Variants in SLC1A1 observed in about 807,000 individuals in gnomAD.
SLC1A1 encodes the protein excitatory amino acid transporter 3.
In SLC1A1, 43 loss-of-function variants were observed where a neutral mutation model predicts 53.3. The ratio of observed to expected loss-of-function variants is 0.81; its 90% CI spans 0.63 to 1.04. The LOEUF (loss-of-function observed/expected upper bound fraction) is 1.04. Among genes scored for constraint, SLC1A1 ranks in the 50% least tolerant of loss-of-function variants. SLC1A1 has a pLI of 0.00. For missense variants in SLC1A1, 748 were observed against 664.9 expected, an observed-to-expected ratio of 1.12 and a Z score of -1.37; for synonymous variants, 307 against 243.2, an observed-to-expected ratio of 1.26 and a Z score of -2.44.
chr9:4,514,185 TCAACACATGTAC>T (rs1821086932), intron 1 of SLC1A1, among the ~76,000 whole-genome samples: 1 of 152,206 alleles, frequency 6.6e-6, no homozygotes, highest in African/African-American at 2.4e-5. Context: ...TATTGTATGA[TCAACACATGTAC>T]ACACACATAC....
chr9:4,520,909 C>T (rs904314252), intron 1 of SLC1A1, among the ~76,000 whole-genome samples: 1 of 152,232 alleles, frequency 6.6e-6, no homozygotes, highest in African/African-American at 2.4e-5. Context: ...AGTTTCTCCA[C>T]ATCCTCACCA....
chr9:4,507,936 G>A (rs1026601507), intron 1 of SLC1A1, among the ~76,000 whole-genome samples: 1 of 152,126 alleles, frequency 6.6e-6, no homozygotes, highest in Non-Finnish European at 1.5e-5. Flanking sequence ...TGTGAAACTG[G>A]CTATTGTAAA....
intron 2 of SLC1A1, among the ~76,000 whole-genome samples, chr9:4,552,230 GC>G (rs2130892575): frequency 6.6e-6 from 1 of 152,284 alleles, no homozygotes; most frequent in African/African-American, 2.4e-5. Context: ...GCCAGGCTCT[GC>G]TAGACACACA....
At chr9:4,499,000 TTATA>T (rs1449579425) in intron 1 of SLC1A1, among the ~76,000 whole-genome samples, 1 of 143,914 alleles carries the variant, frequency 6.9e-6, no homozygotes, top group Non-Finnish European at 1.5e-5. Context: ...ATATATAAGA[TTATA>T]TATTATATAT....
chr9:4,528,474 A>G (rs200470416), intron 1 of SLC1A1, among the ~76,000 whole-genome samples: 2 of 152,114 alleles, frequency 1.3e-5, no homozygotes, highest in African/African-American at 2.4e-5. Context: ...TACTCGGGAG[A>G]CTGAGGCAGG....
chr9:4,572,853 C>A (rs1439831372), intron 7 of SLC1A1, among the ~76,000 whole-genome samples: 1 of 152,096 alleles, frequency 6.6e-6, no homozygotes, highest in Admixed American at 6.5e-5. Context: ...CCAGCCACCA[C>A]TAGAGTATTA....
intron 1 of SLC1A1, among the ~76,000 whole-genome samples, chr9:4,498,199 A>G (rs1034526286): frequency 6.6e-6 from 1 of 152,216 alleles, no homozygotes; most frequent in African/African-American, 2.4e-5. Context: ...AAAGGGCATT[A>G]CAAGATGATA....
chr9:4,517,211 C>G (rs1815879844), intron 1 of SLC1A1, among the ~76,000 whole-genome samples: 1 of 152,214 alleles, frequency 6.6e-6, no homozygotes, highest in African/African-American at 2.4e-5. Flanking sequence ...CCTCAATAGT[C>G]CCCGCCTAGT....
chr9:4,575,896 T>G, intron 8 of SLC1A1, 105 bp from the exon 9 acceptor site: 1 of 1,354,810 alleles, frequency 7.4e-7, no homozygotes, highest in Middle Eastern at 1.9e-4. Flanking sequence ...TGGGCCATTA[T>G]GAAAGTCAAA....
At chr9:4,538,470 G>A (rs1431274974) in intron 1 of SLC1A1, among the ~76,000 whole-genome samples, 2 of 152,132 alleles carry the variant, frequency 1.3e-5, no homozygotes, top group African/African-American at 4.8e-5. Context: ...TTGCCAGCTT[G>A]ACTTTTCCCT....
At chr9:4,557,061 GGGACTACCTGCTGA>G (rs1326669842) in intron 2 of SLC1A1, among the ~76,000 whole-genome samples, 2 of 152,266 alleles carry the variant, frequency 1.3e-5, no homozygotes, top group African/African-American at 4.8e-5. Context: ...GGTTTCTAAG[GGGACTACCTGCTGA>G]GGTCCAAGTT....
In SLC1A1 at chr9:4,587,263, A is replaced by G. The variant is rs545313351; in HGVS notation, c.*1705A>G. ...GGAAATAAATCTAAATATAAATGAA[A>G]TTGAATCAGTAATTTATCTTGGGCT... On this transcript the variant is annotated 3_prime_UTR_variant, in exon 12 of 12. Coordinates refer to ENST00000262352, the MANE Select transcript of SLC1A1 (RefSeq NM_004170.6). 1 of 152,372 alleles carries G rather than the reference A, an allele frequency of 6.6e-6. No individual in the cohort carries two copies. Among genetic ancestry groups the G allele is most frequent in the East Asian group, 1.9e-4 (1 of 5,182 alleles). The allele number at this position is 152,372 out of a possible 1,614,324, so 9.4% of individuals were successfully genotyped here. A position where few individuals can be genotyped will look rare whatever the true frequency, so the allele number is the denominator to read the frequency against.
intron 1 of SLC1A1, among the ~76,000 whole-genome samples, chr9:4,520,385 T>A (rs1028690369): frequency 5.3e-5 from 8 of 152,184 alleles, no homozygotes; most frequent in Non-Finnish European, 7.3e-5. Flanking sequence ...ATTAAATGAA[T>A]CCCATTTAAT....
chr9:4,536,595 G>A (rs1816682865), intron 1 of SLC1A1, among the ~76,000 whole-genome samples: 1 of 152,172 alleles, frequency 6.6e-6, no homozygotes, highest in Non-Finnish European at 1.5e-5. Flanking sequence ...ACTGTTGGTG[G>A]GACTGTAAAC....
At position 4,561,747 on chromosome 9, in the gene SLC1A1, C is replaced by T. The variant is rs531240411; in HGVS notation, c.325+206C>T. Among the ~76,000 whole-genome samples the T allele has an allele frequency of 2.0e-4, 31 of 152,152 alleles. No individual in the cohort carries two copies. The South Asian group carries it at 6.4e-3, about 32-fold the overall frequency. ...CTACCAAAAATACAAAAATATTAGC[C>T]GGGTATGGTAACATGCGCCTGTAGT... On this transcript the variant is annotated intron_variant, in intron 3 of 11. Transcript: ENST00000262352.
chr9:4,527,173 C>T lies in SLC1A1; in HGVS notation c.92-17394C>T, dbSNP rs527319796. Among the ~76,000 whole-genome samples, 24 of 152,238 alleles carry T rather than the reference C, an allele frequency of 1.6e-4. No individual in the cohort carries two copies. In the South Asian group the frequency reaches 4.0e-3, roughly 25 times the overall value. On this transcript the variant is annotated intron_variant, in intron 1 of 11. Transcript: ENST00000262352. ...TGACAGCCAGTAAGAAATCCTACAACTACCAGGAAGTGAATCCTGAGAACA... is the reference window on the plus strand; with the variant it reads ...TGACAGCCAGTAAGAAATCCTACAATTACCAGGAAGTGAATCCTGAGAACA...
At chr9:4,581,586 C>T (rs1821102959) in intron 10 of SLC1A1, among the ~76,000 whole-genome samples, 1 of 152,166 alleles carries the variant, frequency 6.6e-6, no homozygotes, top group East Asian at 1.9e-4. Flanking sequence ...GGCATGGACA[C>T]AAATCACTTC....
chr9:4,566,681 C>G (rs1819515040), intron 5 of SLC1A1, among the ~76,000 whole-genome samples: 1 of 151,830 alleles, frequency 6.6e-6, no homozygotes, highest in Non-Finnish European at 1.5e-5. Flanking sequence ...GACCATGTCT[C>G]TAAAAAGAAA....
chr9:4,495,424 A>G (rs961382246), intron 1 of SLC1A1, among the ~76,000 whole-genome samples: 3 of 152,158 alleles, frequency 2.0e-5, no homozygotes, highest in Non-Finnish European at 4.4e-5. Context: ...CATAAATAGA[A>G]TACATAGGTA....
Sources: gnomAD v4.1 joint callset for allele counts (sites outside exome capture counted in the v4.1 genomes callset) on GRCh38, gnomAD v4.1.1 for gene constraint, MANE v1.5 for transcripts, NCBI Gene and HGNC (gene_info 2026-07-23, HGNC 2026-07-21) for gene names.